The following NXN variants were observed in gnomAD, a reference collection of about 807,000 sequenced individuals.
NXN encodes the protein nucleoredoxin 1.
NXN carries 16 observed loss-of-function variants against 48.6 expected under a neutral mutation model. The observed-to-expected ratio is 0.33, with a 90% CI of 0.22 to 0.50. NXN has a LOEUF of 0.50. Ranked by LOEUF, NXN falls within the 20% of genes least tolerant of loss-of-function variation. The pLI is 0.98. For synonymous variants in NXN, 281 were observed against 269.6 expected (o/e 1.04, Z -0.41); for missense variants, 492 against 605.5 (o/e 0.81, Z 1.97).
At chr17:944,539 A>C (rs1449509557) in intron 1 of NXN, among the ~76,000 whole-genome samples, 1 of 152,212 alleles carries the variant, frequency 6.6e-6, no homozygotes, top group Admixed American at 6.5e-5. Flanking sequence ...AATGTAAGGT[A>C]GATTCTGTTT....
chr17:972,854 AC>A (rs1597290519), intron 1 of NXN, among the ~76,000 whole-genome samples: 1 of 151,758 alleles, frequency 6.6e-6, no homozygotes, highest in South Asian at 2.1e-4. Context: ...ACACGGTGAA[AC>A]CCCGTCTCTA....
intron 5 of NXN, among the ~76,000 whole-genome samples, chr17:813,394 G>A (rs372804502): frequency 3.3e-5 from 5 of 152,242 alleles, no homozygotes; most frequent in South Asian, 2.1e-4. Context: ...AACGGCCCCC[G>A]GCTTGGAGGA....
intron 1 of NXN, among the ~76,000 whole-genome samples, chr17:872,907 C>T (rs915769475): frequency 2.6e-5 from 4 of 152,128 alleles, no homozygotes; most frequent in African/African-American, 9.7e-5. Context: ...GTGTGAGCCA[C>T]CACACCCAGC....
intron 1 of NXN, among the ~76,000 whole-genome samples, chr17:843,006 G>GAGAAAGAAAGAA (rs781376999): frequency 0.012 from 1,188 of 95,942 alleles, 11 homozygotes; most frequent in South Asian, 0.022. Context: ...GAGAGAAAGA[G>GAGAAAGAAAGAA]AGAAAGAAAG....
At chr17:829,398 G>T (rs1357746281) in intron 1 of NXN, among the ~76,000 whole-genome samples, 1 of 150,340 alleles carries the variant, frequency 6.7e-6, no homozygotes, top group African/African-American at 2.4e-5. Context: ...CAGGTGATCC[G>T]CCCACCTCGG....
Position 966,074 on chromosome 17 carries a change from C to G in NXN, c.360+13245G>C, listed in dbSNP as rs150522407. 5.4e-3 allele frequency among the ~76,000 whole-genome samples: 820 copies of G among 151,582 alleles called. 3 individuals are homozygous for G. The highest frequency in any genetic ancestry group is 0.032 in the East Asian group (163 of 5,116). ...GAGGTTGCAGTGAGCTGAGATGGCA[C>G]CACTGCACTCCAGCTTGGGCAACAG... is the stretch of plus-strand genomic sequence containing the variant. On this transcript the variant is annotated intron_variant, in intron 1 of 7. Coordinates refer to ENST00000336868, the MANE Select transcript of NXN (RefSeq NM_022463.5).
At chr17:811,976 G>C (rs1336590532) in intron 5 of NXN, among the ~76,000 whole-genome samples, 1 of 141,500 alleles carries the variant, frequency 7.1e-6, no homozygotes, top group Non-Finnish European at 1.5e-5. Flanking sequence ...CGCCCAGGCT[G>C]GAGTGCAGTG....
intron 1 of NXN, among the ~76,000 whole-genome samples, chr17:899,937 A>T (rs1200160348): frequency 6.6e-6 from 1 of 152,198 alleles, no homozygotes; most frequent in East Asian, 1.9e-4. Context: ...TTGTTAAAGT[A>T]AATGATATCC....
At chr17:947,957 AG>A (rs1270688799) in intron 1 of NXN, among the ~76,000 whole-genome samples, 1 of 151,750 alleles carries the variant, frequency 6.6e-6, no homozygotes, top group African/African-American at 2.4e-5. Flanking sequence ...AGGCTGAGGC[AG>A]GAGAATTGCT....
chr17:811,920 C>CTTT (rs34383551), intron 5 of NXN, among the ~76,000 whole-genome samples: 119 of 73,208 alleles, frequency 1.6e-3, no homozygotes, highest in Non-Finnish European at 2.2e-3. Context: ...CCCAGTTCTG[C>CTTT]TTTTTTTTTT....
chr17:904,543 C>A (rs899084594), intron 1 of NXN, among the ~76,000 whole-genome samples: 1 of 152,018 alleles, frequency 6.6e-6, no homozygotes, highest in Non-Finnish European at 1.5e-5. Flanking sequence ...AGTATTTTTT[C>A]GTTTACTTGT....
intron 1 of NXN, among the ~76,000 whole-genome samples, chr17:903,899 A>G (rs780438776): frequency 1.3e-5 from 2 of 151,972 alleles, no homozygotes; most frequent in African/African-American, 4.8e-5. Flanking sequence ...TCCGAAGCCA[A>G]CCTCACCCCC....
intron 1 of NXN, among the ~76,000 whole-genome samples, chr17:943,997 G>A (rs1295381534): frequency 6.6e-6 from 1 of 152,082 alleles, no homozygotes; most frequent in African/African-American, 2.4e-5. Flanking sequence ...CAGCACTTTG[G>A]GAGGCCAAGG....
At chr17:964,144 C>T (rs2069273929) in intron 1 of NXN, among the ~76,000 whole-genome samples, 1 of 152,080 alleles carries the variant, frequency 6.6e-6, no homozygotes, top group Admixed American at 6.6e-5. Flanking sequence ...AGAAACATGG[C>T]GTATGAAGTC....
chr17:829,162 C>T (rs1041310160), intron 1 of NXN, among the ~76,000 whole-genome samples: 5 of 122,908 alleles, frequency 4.1e-5, no homozygotes, highest in South Asian at 2.8e-4. Context: ...TTTAGGGGGG[C>T]GGGGTGGTGG....
rs537034999 is a variant in NXN, at chr17:946,099, A to G, written c.360+33220T>C. On this transcript the variant is annotated intron_variant, in intron 1 of 7. Transcript: ENST00000336868. ...GGAGCTGGGTAACTAAAAGACAAGG[A>G]GTTGATGTATTCTAGGCGCTTGAAA... Among the ~76,000 whole-genome samples the G allele has an allele frequency of 5.9e-5, 9 of 151,886 alleles. No individual in the cohort carries two copies. The South Asian group carries it at 1.2e-3, about 21-fold the overall frequency.
intron 1 of NXN, among the ~76,000 whole-genome samples, chr17:916,655 C>T (rs1258206876): frequency 1.3e-5 from 2 of 152,144 alleles, no homozygotes; most frequent in African/African-American, 4.8e-5. Context: ...ATTACAGCAG[C>T]TGGCCGGGCA....
chr17:818,528 AC>A (rs1279423437), intron 5 of NXN, among the ~76,000 whole-genome samples: 1 of 152,032 alleles, frequency 6.6e-6, no homozygotes, highest in Non-Finnish European at 1.5e-5. Flanking sequence ...TTCACAGTAA[AC>A]CTTTGGGATA....
chr17:979,307 C>T lies in NXN; in HGVS notation c.360+12G>A. ...GGGGCGGGCAGGGGCCGGCGAGGCC[C>T]GCGCCGCTCACCTTCCTGTGCTTCT... On this transcript the variant is annotated intron_variant, in intron 1 of 7. Transcript: ENST00000336868. The T allele has an allele frequency of 1.4e-6, 2 of 1,406,894 alleles. No individual in the cohort carries two copies. The highest frequency in any genetic ancestry group is 1.2e-5 in the South Asian group (1 of 82,512). The allele number at this position is 1,406,894 out of a possible 1,614,324, so 87.2% of individuals were successfully genotyped here.
Sources: allele counts gnomAD v4.1 joint callset (sites outside exome capture counted in the v4.1 genomes callset), GRCh38; gene constraint gnomAD v4.1.1; transcripts MANE v1.5; gene names NCBI Gene and HGNC (gene_info 2026-07-23, HGNC 2026-07-21).